The following EPB41L5 variants were observed in gnomAD, a reference collection of about 807,000 sequenced individuals.
The protein encoded by EPB41L5 is erythrocyte membrane protein band 4.1 like 5.
Under a neutral mutation model 106.6 loss-of-function variants are expected in EPB41L5, and 55 were observed. The observed-to-expected ratio is 0.52, with a 90% CI of 0.42 to 0.65. The LOEUF (loss-of-function observed/expected upper bound fraction) is 0.65. Among genes scored for constraint, EPB41L5 ranks in the 30% least tolerant of loss-of-function variants. The probability of loss-of-function intolerance (pLI) is 0.00; values close to 1 mark genes in which losing one functional copy is unlikely to be tolerated. For missense variants in EPB41L5, 871 were observed against 882.1 expected (o/e 0.99, Z 0.16); for synonymous variants, 297 against 306.7 (o/e 0.97, Z 0.33).
At chr2:120,160,462 A>G (rs1687093074) in intron 20 of EPB41L5, 1 of 158,012 alleles carries the variant, frequency 6.3e-6, no homozygotes, top group South Asian at 1.9e-4. Flanking sequence ...TGCAATGAGA[A>G]TGAGAGGCAG....
chr2:120,083,967 A>G (rs1367139622), intron 10 of EPB41L5, among the ~76,000 whole-genome samples: 2 of 151,922 alleles, frequency 1.3e-5, no homozygotes, highest in African/African-American at 4.8e-5. Context: ...ATCTTCCTCC[A>G]TCCCTTTATT....
intron 10 of EPB41L5, among the ~76,000 whole-genome samples, chr2:120,085,785 G>C (rs1174110848): frequency 6.6e-6 from 1 of 152,176 alleles, no homozygotes; most frequent in East Asian, 1.9e-4. Flanking sequence ...CATACCTCCA[G>C]CTTGTCCTGT....
chr2:120,067,613 G>C (rs1161856219), intron 3 of EPB41L5, among the ~76,000 whole-genome samples: 1 of 152,170 alleles, frequency 6.6e-6, no homozygotes, highest in Non-Finnish European at 1.5e-5. Flanking sequence ...AAGTCTCATA[G>C]TCACAATGTT....
intron 24 of EPB41L5, among the ~76,000 whole-genome samples, chr2:120,168,597 AC>A (rs1449239248): frequency 6.6e-6 from 1 of 152,204 alleles, no homozygotes; most frequent in Non-Finnish European, 1.5e-5. Context: ...CCTACCTCAG[AC>A]CTTTTTTCTG....
chr2:120,091,675 CT>C lies in EPB41L5; in HGVS notation c.1150+15del, dbSNP rs1683422438. The C allele has an allele frequency of 6.3e-7, 1 of 1,577,726 alleles. No homozygotes were observed. The highest frequency in any genetic ancestry group is 1.4e-5 in the African/African-American group (1 of 73,840). The stretch of plus-strand genomic sequence containing the variant: ...TACAAATGAAAGGTGAAGTGCAACC[CT>C]CTTTCAAAGGATTATTTTTCCTTGG... On this transcript the variant is annotated intron_variant, in intron 13 of 24. Transcript: ENST00000263713.
intron 3 of EPB41L5, among the ~76,000 whole-genome samples, chr2:120,064,110 A>G (rs1681281896): frequency 6.6e-6 from 1 of 152,226 alleles, no homozygotes; most frequent in African/African-American, 2.4e-5. Context: ...TTATAGTGGA[A>G]TCTAGATCAA....
intron 16 of EPB41L5, among the ~76,000 whole-genome samples, chr2:120,111,517 C>G (rs924007945): frequency 6.6e-6 from 1 of 152,188 alleles, no homozygotes; most frequent in Admixed American, 6.5e-5. Context: ...TTGAGAAGCA[C>G]TGACTTAGAC....
At chr2:120,149,337 G>A (rs935677597) in intron 20 of EPB41L5, among the ~76,000 whole-genome samples, 17 of 152,032 alleles carry the variant, frequency 1.1e-4, no homozygotes, top group Middle Eastern at 3.4e-3. Context: ...GAATATTTTC[G>A]TCACCTCAAA....
At chr2:120,073,012 G>T (rs1371651423) in intron 3 of EPB41L5, among the ~76,000 whole-genome samples, 166 bp from the exon 4 acceptor site, 1 of 151,784 alleles carries the variant, frequency 6.6e-6, no homozygotes, top group African/African-American at 2.4e-5. Flanking sequence ...ATATTGGCTA[G>T]ATACTCTTCC....
chr2:120,106,582 TCATCAGTACAGAACTTAAG>T, intron 16 of EPB41L5: 1 of 985,316 alleles, frequency 1.0e-6, no homozygotes, highest in Middle Eastern at 5.2e-4. Context: ...TCAAAGGGTG[TCATCAGTACAGAACTTAAG>T]TATTATGTCA....
chr2:120,051,160 G>T (rs1680253069), intron 3 of EPB41L5, among the ~76,000 whole-genome samples: 1 of 152,178 alleles, frequency 6.6e-6, no homozygotes, highest in African/African-American at 2.4e-5. Context: ...TGTGCTGGGA[G>T]AATCACCACT....
In EPB41L5 at chr2:120,105,292, T is replaced by A. The variant is rs1054261544; in HGVS notation, c.1337+4478T>A. Reference sequence around the variant, plus strand: ...AGTTTTCTTTTATATTTTAGAAAAATTTTCAAATTTTTAAACTATGTACAT... The same window carrying A: ...AGTTTTCTTTTATATTTTAGAAAAAATTTCAAATTTTTAAACTATGTACAT... On this transcript the variant is annotated intron_variant, in intron 16 of 24. Coordinates refer to ENST00000263713, the MANE Select transcript of EPB41L5 (RefSeq NM_020909.4). 9.3e-6 allele frequency: 9 copies of A among 963,588 alleles called. No homozygotes were observed. In the East Asian group the frequency reaches 3.4e-4, roughly 37 times the overall value. 59.7% of individuals were successfully genotyped at this position (963,588 alleles called of 1,614,324 possible).
chr2:120,088,803 G>A (rs1383406338), intron 11 of EPB41L5, among the ~76,000 whole-genome samples: 2 of 152,098 alleles, frequency 1.3e-5, no homozygotes, highest in Admixed American at 1.3e-4. Flanking sequence ...TGTGGTTTTA[G>A]TTTGTGTTCC....
intron 2 of EPB41L5, among the ~76,000 whole-genome samples, chr2:120,040,140 G>A (rs990782155): frequency 4.0e-5 from 6 of 151,742 alleles, no homozygotes; most frequent in East Asian, 1.9e-4. Context: ...CAGCACTGAC[G>A]TAGGAAACTT....
intron 3 of EPB41L5, among the ~76,000 whole-genome samples, chr2:120,060,999 A>G (rs888165618): frequency 6.9e-6 from 1 of 145,352 alleles, no homozygotes; most frequent in Non-Finnish European, 1.5e-5. Flanking sequence ...AAGGTTATAT[A>G]TAGAGATTAG....
At chr2:120,065,040 A>G (rs981581828) in intron 3 of EPB41L5, among the ~76,000 whole-genome samples, 1 of 152,188 alleles carries the variant, frequency 6.6e-6, no homozygotes, top group South Asian at 2.1e-4. Context: ...ACTATTATAT[A>G]TAAGTAGAAA....
chr2:120,146,585 C>G (rs1686415605), intron 20 of EPB41L5, among the ~76,000 whole-genome samples: 1 of 152,204 alleles, frequency 6.6e-6, no homozygotes, highest in African/African-American at 2.4e-5. Context: ...GTATTATTCT[C>G]TTACAGTAAA....
intron 17 of EPB41L5, among the ~76,000 whole-genome samples, chr2:120,129,280 G>A (rs1157567130): frequency 6.6e-6 from 1 of 151,390 alleles, no homozygotes; most frequent in African/African-American, 2.4e-5. Flanking sequence ...AGGTTGCAGT[G>A]AGCTGAGATT....
intron 3 of EPB41L5, among the ~76,000 whole-genome samples, chr2:120,063,518 C>T (rs963625327): frequency 6.6e-5 from 10 of 151,942 alleles, no homozygotes; most frequent in African/African-American, 2.4e-4. Context: ...AAAAAACTAC[C>T]ATATTACCCC....
Sources: allele counts gnomAD v4.1 joint callset (sites outside exome capture counted in the v4.1 genomes callset), GRCh38; gene constraint gnomAD v4.1.1; transcripts MANE v1.5; gene names NCBI Gene and HGNC (gene_info 2026-07-23, HGNC 2026-07-21).